HELZ: variants seen among roughly 807,000 people sequenced by gnomAD.
HELZ encodes the protein ATP-dependent RNA helicase with zinc finger domain.
Under a neutral mutation model 218.2 loss-of-function variants are expected in HELZ, and 23 were observed. The observed-to-expected ratio is 0.11, with a 90% CI of 0.08 to 0.15. The LOEUF is 0.15. HELZ is among the 10% of genes least tolerant of loss of function. The pLI is 1.00. For synonymous variants in HELZ, 814 were observed against 829.4 expected (o/e 0.98, Z 0.32); for missense variants, 1,813 against 2,353.7 (o/e 0.77, Z 4.75).
chr17:67,235,492 G>A (rs533283552), intron 3 of HELZ, among the ~76,000 whole-genome samples: 3 of 149,310 alleles, frequency 2.0e-5, no homozygotes, highest in Non-Finnish European at 4.4e-5. Context: ...GCAACAGAGC[G>A]AGACTCCCTC....
At chr17:67,240,365 G>A (rs2041287358) in intron 2 of HELZ, among the ~76,000 whole-genome samples, 1 of 152,158 alleles carries the variant, frequency 6.6e-6, no homozygotes, top group South Asian at 2.1e-4. Context: ...CAAGGGAGCA[G>A]GACTAGAGAC....
At chr17:67,242,500 CTA>C (rs2041346604) in intron 2 of HELZ, among the ~76,000 whole-genome samples, 3 of 141,458 alleles carry the variant, frequency 2.1e-5, no homozygotes, top group Admixed American at 7.2e-5. Flanking sequence ...ACACACATAT[CTA>C]TACACACATA....
At chr17:67,089,694 G>GAGAGACAGAGAC (rs1555595478) in intron 31 of HELZ, among the ~76,000 whole-genome samples, 50 of 100,732 alleles carry the variant, frequency 5.0e-4, no homozygotes, top group African/African-American at 1.9e-3. Flanking sequence ...GAGAGAGAGA[G>GAGAGACAGAGAC]AGAGAGACAG....
chr17:67,109,704 G>A lies in HELZ; in HGVS notation c.3919-18C>T, dbSNP rs1567808711. 3.8e-6 allele frequency: 6 copies of A among 1,577,218 alleles called. No homozygotes were observed. The African/African-American group carries it at 4.1e-5, about 11-fold the overall frequency. The stretch of plus-strand genomic sequence containing the variant: ...AAATCAACCTAGAAAAAAAGAAGAA[G>A]CCTTTTTTAACTGCAGAAGATTCAA... On this transcript the variant is annotated intron_variant, in intron 28 of 32. Coordinates refer to ENST00000358691, the MANE Select transcript of HELZ (RefSeq NM_014877.4).
At chr17:67,146,297 T>C (rs542583767) in intron 20 of HELZ, among the ~76,000 whole-genome samples, 4 of 152,336 alleles carry the variant, frequency 2.6e-5, no homozygotes, top group East Asian at 3.9e-4. Context: ...CATAAGATCA[T>C]AGTACTGTAT....
chr17:67,229,686 G>A (rs185662457), intron 3 of HELZ, among the ~76,000 whole-genome samples: 1 of 152,270 alleles, frequency 6.6e-6, no homozygotes, highest in East Asian at 1.9e-4. Context: ...AGCATGTCAA[G>A]TCACAAAGAG....
intron 31 of HELZ, among the ~76,000 whole-genome samples, chr17:67,088,942 T>C (rs1447890191): frequency 1.3e-5 from 2 of 152,238 alleles, no homozygotes; most frequent in South Asian, 2.1e-4. Context: ...CTGTGTGCTC[T>C]ATGCCTGACA....
At chr17:67,245,309 C>T (rs1438995842), upstream of HELZ, 1 of 835,260 alleles carries the variant, frequency 1.2e-6, no homozygotes, top group Non-Finnish European at 1.4e-6. Flanking sequence ...GGAAAGTTGC[C>T]CCGGGTGGAC....
At chr17:67,134,175 G>A (rs1299964754) in intron 23 of HELZ, among the ~76,000 whole-genome samples, 1 of 152,108 alleles carries the variant, frequency 6.6e-6, no homozygotes, top group Non-Finnish European at 1.5e-5. Context: ...CCTGAGGTCC[G>A]GAGTTTGAGA....
chr17:67,087,109 A>T (rs775136642), intron 31 of HELZ, 28 bp from the exon 32 acceptor site: 4 of 1,610,780 alleles, frequency 2.5e-6, no homozygotes, highest in Non-Finnish European at 3.4e-6. Flanking sequence ...ACATTTCATA[A>T]ATCAGTGCAC....
At chr17:67,236,009 C>G (rs2041174472) in intron 3 of HELZ, among the ~76,000 whole-genome samples, 1 of 152,068 alleles carries the variant, frequency 6.6e-6, no homozygotes, top group African/African-American at 2.4e-5. Context: ...ATCCGCCCGC[C>G]TTGGCCTCCC....
chr17:67,236,338 T>A (rs2041184724), intron 3 of HELZ, among the ~76,000 whole-genome samples: 1 of 152,192 alleles, frequency 6.6e-6, no homozygotes, highest in Non-Finnish European at 1.5e-5. Context: ...CAAACTGGTA[T>A]AACACCCTTG....
intron 17 of HELZ, among the ~76,000 whole-genome samples, chr17:67,159,637 A>G (rs551524109): frequency 1.2e-4 from 18 of 152,266 alleles, no homozygotes; most frequent in Non-Finnish European, 2.2e-4. Context: ...TTTTCTGAAG[A>G]AAAGGATTTT....
At chr17:67,143,777 T>C (rs1448746370) in intron 21 of HELZ, among the ~76,000 whole-genome samples, 1 of 152,142 alleles carries the variant, frequency 6.6e-6, no homozygotes, top group African/African-American at 2.4e-5. Context: ...ATTTTAAGCA[T>C]GTGAAAGAAG....
chr17:67,126,730 G>T (rs530562888), intron 24 of HELZ, among the ~76,000 whole-genome samples: 1 of 152,112 alleles, frequency 6.6e-6, no homozygotes, highest in South Asian at 2.1e-4. Context: ...GCATGGTGGC[G>T]CTTGGCTATA....
chr17:67,159,929 T>C (rs1340706633), intron 17 of HELZ, among the ~76,000 whole-genome samples: 1 of 152,168 alleles, frequency 6.6e-6, no homozygotes, highest in Non-Finnish European at 1.5e-5. Flanking sequence ...TATGTTAGAA[T>C]TTTTACTGAA....
At chr17:67,181,597 C>G (rs1207762946) in intron 12 of HELZ, among the ~76,000 whole-genome samples, 1 of 151,904 alleles carries the variant, frequency 6.6e-6, no homozygotes, top group Non-Finnish European at 1.5e-5. Flanking sequence ...GCAGGTAGCA[C>G]AGTAATTTCA....
chr17:67,111,964 C>T (rs56946008), intron 28 of HELZ, among the ~76,000 whole-genome samples: 12,968 of 152,164 alleles, frequency 0.085, 1,801 homozygotes, highest in African/African-American at 0.29. Flanking sequence ...AAGTTGCTAT[C>T]TTAATTGTCT....
intron 21 of HELZ, among the ~76,000 whole-genome samples, chr17:67,142,931 G>A (rs905363366): frequency 6.6e-6 from 1 of 151,598 alleles, no homozygotes; most frequent in Non-Finnish European, 1.5e-5. Flanking sequence ...TAATTTTTTT[G>A]TATTTTTTTT....
Sources: gnomAD v4.1 joint callset for allele counts (sites outside exome capture counted in the v4.1 genomes callset) on GRCh38, gnomAD v4.1.1 for gene constraint, MANE v1.5 for transcripts, NCBI Gene and HGNC (gene_info 2026-07-23, HGNC 2026-07-21) for gene names.